The following GLI3 variants were observed in gnomAD, a reference collection of about 807,000 sequenced individuals.
GLI3 encodes transcription activator GLI3.
GLI3 carries 20 observed loss-of-function variants against 100.8 expected under a neutral mutation model. The observed-to-expected ratio is 0.20, with a 90% CI of 0.14 to 0.29. GLI3 has a LOEUF of 0.29. GLI3 is among the 10% of genes least tolerant of loss of function. The probability of loss-of-function intolerance (pLI) is 1.00; values close to 1 mark genes in which losing one functional copy is unlikely to be tolerated. For synonymous variants in GLI3, 938 were observed against 860.5 expected, an observed-to-expected ratio of 1.09 and a Z score of -1.58; for missense variants, 2,040 against 2,128.5, an observed-to-expected ratio of 0.96 and a Z score of 0.82.
At chr7:42,020,022 C>T (rs747268452) in intron 10 of GLI3, among the ~76,000 whole-genome samples, 3 of 152,092 alleles carry the variant, frequency 2.0e-5, no homozygotes, top group African/African-American at 7.2e-5. Context: ...ATTAATTAAA[C>T]ATCCCTGTGA....
chr7:42,048,366 C>T (rs1004983439), intron 5 of GLI3, 125 bp downstream of exon 5: 48 of 761,512 alleles, frequency 6.3e-5, no homozygotes, highest in East Asian at 5.2e-4. Flanking sequence ...ATGTAAGGCA[C>T]AGAGCACAGC....
At chr7:42,064,510 T>G (rs1784635353) in intron 4 of GLI3, among the ~76,000 whole-genome samples, 1 of 152,172 alleles carries the variant, frequency 6.6e-6, no homozygotes, top group Non-Finnish European at 1.5e-5. Flanking sequence ...AAGATGATCA[T>G]GAGAAGCCAT....
chr7:42,232,050 T>A (rs7790090), intron 1 of GLI3, among the ~76,000 whole-genome samples: 59,008 of 151,922 alleles, frequency 0.39, 12,768 homozygotes, highest in East Asian at 0.72. Context: ...TTTTGTGGCA[T>A]AAGAATTATA....
chr7:42,262,207 TC>T (rs1789150271), intron 1 of GLI3, among the ~76,000 whole-genome samples: 1 of 130,936 alleles, frequency 7.6e-6, no homozygotes, highest in African/African-American at 3.3e-5. Flanking sequence ...TTTCCTTCCT[TC>T]TTTCCTTCCT....
Position 42,246,805 on chromosome 7 carries a change from C to CTTTTTTTTTTTTTTTTTTTTTTTTT in GLI3, c.-43+17164_-43+17188dup, listed in dbSNP as rs71006467. Among the ~76,000 whole-genome samples, 10 of 94,974 alleles carry CTTTTTTTTTTTTTTTTTTTTTTTTT rather than the reference C, an allele frequency of 1.1e-4. 1 individual carries two copies. Among genetic ancestry groups the CTTTTTTTTTTTTTTTTTTTTTTTTT allele is most frequent in the Non-Finnish European group, 1.4e-4 (7 of 49,224 alleles). 62.3% of individuals were successfully genotyped at this position (94,974 alleles called of 152,430 possible). A position where few individuals can be genotyped will look rare whatever the true frequency, so the allele number is the denominator to read the frequency against. ...TTAAAGGCTCATTGGATGATAGAAT[C>CTTTTTTTTTTTTTTTTTTTTTTTTT]TTTTTTTTTTTTTTTTTTTTTTTTT... On this transcript the variant is annotated intron_variant, in intron 1 of 2. Coordinates refer to the GLI3 transcript ENST00000678978.
At chr7:42,080,790 G>A (rs1784981111) in intron 3 of GLI3, among the ~76,000 whole-genome samples, 1 of 152,114 alleles carries the variant, frequency 6.6e-6, no homozygotes. Flanking sequence ...GTCTTGGTTT[G>A]TCGTTTCTAT....
At chr7:42,056,163 C>T (rs1216038680) in intron 4 of GLI3, among the ~76,000 whole-genome samples, 4 of 152,186 alleles carry the variant, frequency 2.6e-5, no homozygotes, top group East Asian at 1.9e-4. Context: ...TGCCCAGTCT[C>T]GGGCATGTCT....
chr7:42,062,712 GACACACACAC>G (rs10523955), intron 4 of GLI3, among the ~76,000 whole-genome samples: 1 of 149,614 alleles, frequency 6.7e-6, no homozygotes. Context: ...CACACACACA[GACACACACAC>G]ACACACACAC....
chr7:42,001,048 C>A (rs1257572457), intron 10 of GLI3, among the ~76,000 whole-genome samples: 1 of 151,768 alleles, frequency 6.6e-6, no homozygotes, highest in East Asian at 1.9e-4. Context: ...AGTTTGAGAC[C>A]AGCCTGGCTA....
At chr7:42,163,116 T>G (rs1271541561) in intron 2 of GLI3, among the ~76,000 whole-genome samples, 4 of 152,088 alleles carry the variant, frequency 2.6e-5, no homozygotes, top group Non-Finnish European at 2.9e-5. Context: ...GACCTCCTTC[T>G]GTAATATTCA....
intron 1 of GLI3, among the ~76,000 whole-genome samples, chr7:42,226,913 C>T (rs1301678235): frequency 6.6e-6 from 1 of 152,172 alleles, no homozygotes; most frequent in East Asian, 1.9e-4. Flanking sequence ...TGGAAAGTCA[C>T]TCCTGAGCTG....
chr7:42,216,515 T>C (rs974641571), intron 2 of GLI3, among the ~76,000 whole-genome samples: 3 of 152,196 alleles, frequency 2.0e-5, no homozygotes, highest in Non-Finnish European at 4.4e-5. Flanking sequence ...TCAATATTGG[T>C]TCATCAGTTG....
chr7:42,060,349 C>T (rs1364021516), intron 4 of GLI3, among the ~76,000 whole-genome samples: 1 of 152,066 alleles, frequency 6.6e-6, no homozygotes, highest in Non-Finnish European at 1.5e-5. Flanking sequence ...TATGATGTCA[C>T]TTCGGCATTA....
chr7:42,258,611 G>A (rs575060201), intron 1 of GLI3, among the ~76,000 whole-genome samples: 12 of 152,302 alleles, frequency 7.9e-5, no homozygotes, highest in African/African-American at 2.9e-4. Flanking sequence ...ATACAGAATA[G>A]AAATTTATTT....
chr7:41,978,663 T>C lies in GLI3; in HGVS notation c.1583A>G (p.Lys528Arg). ...ATGCACTACCAACATATACTGGGCT[T>C]TGAAGGGTTTCTGCTCTCTTGAGCA... ...LDCSREQKPF[K>R]AQYMLVVHMR... Residue 528 changes from lysine to arginine, a missense_variant, in exon 11 of 15, where the codon AAA becomes AGA. This residue lies in a region of GLI3 where 61 missense variants were observed against 150.9 expected (regional missense o/e 0.40). Transcript: ENST00000395925. 1 of 1,614,064 alleles carries C rather than the reference T, an allele frequency of 6.2e-7. No individual in the cohort carries two copies. The highest frequency in any genetic ancestry group is 1.1e-5 in the South Asian group (1 of 91,076).
chr7:42,259,047 C>T (rs1334928356), intron 1 of GLI3, among the ~76,000 whole-genome samples: 1 of 152,190 alleles, frequency 6.6e-6, no homozygotes, highest in Non-Finnish European at 1.5e-5. Flanking sequence ...GGCAGACCTC[C>T]ACCACCTTGG....
chr7:42,176,910 C>T (rs1787491684), intron 2 of GLI3, among the ~76,000 whole-genome samples: 1 of 152,190 alleles, frequency 6.6e-6, no homozygotes, highest in Non-Finnish European at 1.5e-5. Flanking sequence ...AATTTCCAGG[C>T]AGGGGGCCAA....
At position 42,045,457 on chromosome 7, in the gene GLI3, A is replaced by T; in HGVS notation, c.753T>A (p.Tyr251Ter). 1 of 1,614,002 alleles carries T rather than the reference A, an allele frequency of 6.2e-7. No individual in the cohort carries two copies. ...TGGCAGCTGAGGGAATAATGTCTGC[A>T]TAGGGGCTGCGCTGGCCAGTTAGCA... Reference protein sequence around the residue: ...MALLTGQRSPYADIIPSAATA... With the variant: ...MALLTGQRSP Residue 251 changes from tyrosine (Y) to a stop codon, truncating the protein, a stop_gained, in exon 6 of 15, where the codon TAT becomes TAA. Coordinates refer to ENST00000395925, the MANE Select transcript of GLI3 (RefSeq NM_000168.6). LOFTEE classifies it high-confidence loss of function.
intron 2 of GLI3, among the ~76,000 whole-genome samples, chr7:42,150,929 G>T (rs1165404115): frequency 6.6e-6 from 1 of 152,098 alleles, no homozygotes; most frequent in East Asian, 1.9e-4. Flanking sequence ...GGCGGAGTGG[G>T]GAGGGTGAGT....
Sources: gnomAD v4.1 joint callset for allele counts (sites outside exome capture counted in the v4.1 genomes callset) on GRCh38, gnomAD v4.1.1 for gene constraint, gnomAD v4.1.1 regional missense constraint, MANE v1.5 for transcripts, NCBI Gene and HGNC (gene_info 2026-07-23, HGNC 2026-07-21) for gene names.